TMEM39B: variants seen among roughly 807,000 people sequenced by gnomAD.
TMEM39B encodes the protein transmembrane protein 39B.
Under a neutral mutation model 52.2 loss-of-function variants are expected in TMEM39B, and 23 were observed. The observed-to-expected ratio is 0.44, with a 90% CI of 0.32 to 0.62. The LOEUF (loss-of-function observed/expected upper bound fraction) is 0.62, where lower values mean the gene tolerates loss of function less well. Ranked by LOEUF, TMEM39B falls within the 20% of genes least tolerant of loss-of-function variation. TMEM39B has a pLI of 0.06. For synonymous variants in TMEM39B, 285 were observed against 264.0 expected, an observed-to-expected ratio of 1.08 and a Z score of -0.77; for missense variants, 547 against 642.0, an observed-to-expected ratio of 0.85 and a Z score of 1.60.
At position 32,091,894 on chromosome 1, in the gene TMEM39B, C is replaced by T. The variant is rs1640622618; in HGVS notation, c.810C>T (p.Leu270=). The stretch of plus-strand genomic sequence containing the variant: ...ATGCCTGCTGCCTGTCACCCAGCCT[C>T]ATCCGCAGTGAGGTGGAGTTCCTCA... The part of the protein sequence containing the change: ...PTHACCLSPS[L]IRSEVEFLKM... The change falls in exon 6 of 9, where the codon CTC becomes CTT. Residue 270 remains leucine (L), a synonymous_variant. Coordinates refer to ENST00000336294, the MANE Select transcript of TMEM39B (RefSeq NM_018056.4). The T allele has an allele frequency of 2.5e-6, 4 of 1,614,222 alleles. No homozygotes were observed. The highest frequency in any genetic ancestry group is 2.5e-6 in the Non-Finnish European group (3 of 1,180,034).
intron 5 of TMEM39B, among the ~76,000 whole-genome samples, chr1:32,085,609 G>A (rs1031983426): frequency 6.6e-6 from 1 of 152,014 alleles, no homozygotes; most frequent in Non-Finnish European, 1.5e-5. Context: ...AAATTAGCTG[G>A]GTGTGGTGGT....
intron 5 of TMEM39B, among the ~76,000 whole-genome samples, chr1:32,083,399 T>A (rs1284180881): frequency 6.9e-6 from 1 of 144,752 alleles, no homozygotes; most frequent in Admixed American, 6.9e-5. Flanking sequence ...AACATTTTTT[T>A]AAAGGACTTC....
At chr1:32,084,048 T>TA (rs1377559954) in intron 5 of TMEM39B, among the ~76,000 whole-genome samples, 2 of 151,610 alleles carry the variant, frequency 1.3e-5, no homozygotes, top group Non-Finnish European at 2.9e-5. Flanking sequence ...TGATTTTTCT[T>TA]ACATTCTATC....
At chr1:32,089,845 C>T (rs1640530487) in intron 5 of TMEM39B, among the ~76,000 whole-genome samples, 1 of 151,752 alleles carries the variant, frequency 6.6e-6, no homozygotes, top group South Asian at 2.1e-4. Flanking sequence ...GCGTGGCCAA[C>T]ATCATGAAAC....
chr1:32,087,690 C>G lies in TMEM39B; in HGVS notation c.591-3985C>G, dbSNP rs1477202024. The G allele has an allele frequency of 2.1e-5, 3 of 143,642 alleles. No homozygotes were observed. In the East Asian group the frequency reaches 6.6e-4, roughly 32 times the overall value. 8.9% of individuals were successfully genotyped at this position (143,642 alleles called of 1,614,324 possible). A position where few individuals can be genotyped will look rare whatever the true frequency, so the allele number is the denominator to read the frequency against. On this transcript the variant is annotated intron_variant, in intron 5 of 8. Coordinates refer to ENST00000336294, the MANE Select transcript of TMEM39B (RefSeq NM_018056.4). Reference sequence around the variant, plus strand: ...TTTTTTTTTGAGACGGAGTCTGTCACCCAGGCTGGAGTGCAGTGGCACAAT... The same window carrying G: ...TTTTTTTTTGAGACGGAGTCTGTCAGCCAGGCTGGAGTGCAGTGGCACAAT...
chr1:32,073,764 G>A, intron 1 of TMEM39B: 1 of 985,308 alleles, frequency 1.0e-6, no homozygotes, highest in Non-Finnish European at 1.2e-6. Flanking sequence ...ATAATTTTGG[G>A]CATACATCCA....
rs1423682046 is a variant in TMEM39B, at chr1:32,091,786, G to A, written c.702G>A (p.Lys234=). The change falls in exon 6 of 9, where the codon AAG becomes AAA. Residue 234 remains lysine, a synonymous_variant. Transcript: ENST00000336294. ...GGGAGGCGGTCAGTGGCCTGGCAAAGAGCCGGGACTACCTCCTGACACTGC... is the reference window on the plus strand; with the variant it reads ...GGGAGGCGGTCAGTGGCCTGGCAAAAAGCCGGGACTACCTCCTGACACTGC... ...GPREAVSGLA[K]SRDYLLTLRE... 5.0e-6 allele frequency: 8 copies of A among 1,614,224 alleles called. No homozygotes were observed. The highest frequency in any genetic ancestry group is 6.8e-6 in the Non-Finnish European group (8 of 1,180,044).
At chr1:32,102,339 G>T (rs142797276) in intron 8 of TMEM39B, 92 bp from the exon 9 acceptor site, 19 of 1,537,674 alleles carry the variant, frequency 1.2e-5, no homozygotes, top group Non-Finnish European at 1.3e-5. Context: ...GCCCCAGGAG[G>T]CTGTCCCCTT....
At chr1:32,072,913 T>C, upstream of TMEM39B, 1 of 1,227,498 alleles carries the variant, frequency 8.1e-7, no homozygotes, top group Non-Finnish European at 1.1e-6. Context: ...TATGCAAATG[T>C]AGCGGCGCGG....
At chr1:32,077,349 C>G in intron 5 of TMEM39B, 31 bp downstream of exon 5, 1 of 1,613,146 alleles carries the variant, frequency 6.2e-7, no homozygotes, top group South Asian at 1.1e-5. Context: ...CCCTCACTGC[C>G]CAGCACCTGG....
intron 5 of TMEM39B, among the ~76,000 whole-genome samples, chr1:32,084,513 G>T (rs769322973): frequency 6.6e-6 from 1 of 152,118 alleles, no homozygotes; most frequent in African/African-American, 2.4e-5. Flanking sequence ...GTCTAAAAGT[G>T]TGTTTATTCT....
chr1:32,075,111 G>A (rs1363329849), intron 2 of TMEM39B, 34 bp downstream of exon 2: 2 of 1,535,774 alleles, frequency 1.3e-6, no homozygotes, highest in East Asian at 2.5e-5. Context: ...CCTCACTGTG[G>A]CCTCACAGGG....
rs372163088 is a variant in TMEM39B, at chr1:32,077,234, C to T, written c.506C>T (p.Thr169Met). The T allele has an allele frequency of 2.8e-5, 45 of 1,614,066 alleles. No homozygotes were observed. Among genetic ancestry groups the T allele is most frequent in the South Asian group, 3.3e-5 (3 of 91,082 alleles). ...TTCCTCACTCGCTTCACCGTTCTCA[C>T]GGCAACAGGCTGGAGTCTGTGCCGA... ...LLFLTRFTVL[T>M]ATGWSLCRSL... The change falls in exon 5 of 9, where the codon ACG becomes ATG. Residue 169 changes from threonine (T) to methionine (M), a missense_variant. Thr to Met is a moderately conservative substitution (Grantham distance 81). Transcript: ENST00000336294.
At chr1:32,090,404 G>A (rs1640555009) in intron 5 of TMEM39B, among the ~76,000 whole-genome samples, 1 of 152,008 alleles carries the variant, frequency 6.6e-6, no homozygotes, top group Non-Finnish European at 1.5e-5. Context: ...AAACTAAAGA[G>A]CTGTTCTCAT....
At chr1:32,073,252 C>T (rs1029506591) in intron 1 of TMEM39B, 9 of 479,608 alleles carry the variant, frequency 1.9e-5, no homozygotes, top group African/African-American at 1.8e-4. Flanking sequence ...GGACGGTGGG[C>T]GGGGCTTCTA....
At chr1:32,099,114 G>A (rs1445912781) in intron 7 of TMEM39B, among the ~76,000 whole-genome samples, 3 of 152,148 alleles carry the variant, frequency 2.0e-5, no homozygotes, top group Non-Finnish European at 2.9e-5. Flanking sequence ...TTAGCCGGGC[G>A]TGGTGGCAGG....
In TMEM39B at chr1:32,092,062, G is replaced by C. The variant is rs565678864; in HGVS notation, c.927+51G>C. On this transcript the variant is annotated intron_variant, in intron 6 of 8. Coordinates refer to ENST00000336294, the MANE Select transcript of TMEM39B (RefSeq NM_018056.4). The stretch of plus-strand genomic sequence containing the variant: ...AAGGGACTAGCTGGGACTTTACCCT[G>C]CTGCCTGCCCGATGTGAGTTCTCCT... 14 of 1,539,040 alleles carry C rather than the reference G, an allele frequency of 9.1e-6. No individual in the cohort carries two copies. In the South Asian group the frequency reaches 1.7e-4, roughly 18 times the overall value.
chr1:32,080,674 C>CA (rs947127249), intron 5 of TMEM39B, among the ~76,000 whole-genome samples: 1,054 of 50,958 alleles, frequency 0.021, 21 homozygotes, highest in African/African-American at 0.05. Context: ...GACTCTGTCT[C>CA]AAAAAAAAAA....
chr1:32,072,890 C>T (rs1639693440), upstream of TMEM39B: 1 of 1,012,534 alleles, frequency 9.9e-7, no homozygotes. Context: ...GCGCCAGCTT[C>T]CAGCCCGCCT....
Sources: gnomAD v4.1 joint callset for allele counts (sites outside exome capture counted in the v4.1 genomes callset) on GRCh38, gnomAD v4.1.1 for gene constraint, MANE v1.5 for transcripts, NCBI Gene and HGNC (gene_info 2026-07-23, HGNC 2026-07-21) for gene names.